The following EXT1 variants were observed in gnomAD, a reference collection of about 807,000 sequenced individuals.
The protein encoded by EXT1 is exostosin-1.
EXT1 carries 20 observed loss-of-function variants against 82.5 expected under a neutral mutation model. The observed-to-expected ratio is 0.24, with a 90% CI of 0.17 to 0.35. EXT1 has a LOEUF of 0.35. EXT1 is among the 10% of genes least tolerant of loss of function. The pLI is 1.00. For missense variants in EXT1, 757 were observed against 936.5 expected, an observed-to-expected ratio of 0.81 and a Z score of 2.50; for synonymous variants, 348 against 350.8, an observed-to-expected ratio of 0.99 and a Z score of 0.09.
chr8:117,874,910 A>C (rs1404986643), intron 1 of EXT1, among the ~76,000 whole-genome samples: 1 of 152,204 alleles, frequency 6.6e-6, no homozygotes, highest in Non-Finnish European at 1.5e-5. Flanking sequence ...AGCGGCTTTG[A>C]CAATAGTGTT....
At chr8:118,086,406 T>C (rs1001384087) in intron 1 of EXT1, among the ~76,000 whole-genome samples, 2 of 152,216 alleles carry the variant, frequency 1.3e-5, no homozygotes, top group African/African-American at 4.8e-5. Flanking sequence ...TTTCATATTA[T>C]GGCCTTCCAC....
chr8:117,872,472 A>G (rs1812890215), intron 1 of EXT1, among the ~76,000 whole-genome samples: 1 of 151,810 alleles, frequency 6.6e-6, no homozygotes, highest in Non-Finnish European at 1.5e-5. Flanking sequence ...GCTACAGATA[A>G]GAACTCAGAA....
intron 1 of EXT1, among the ~76,000 whole-genome samples, chr8:118,022,058 G>A (rs74746639): frequency 0.012 from 1,765 of 152,102 alleles, 41 homozygotes; most frequent in African/African-American, 0.04. Context: ...TGGTCAATGC[G>A]TAGAGAGAGA....
At chr8:117,962,103 T>A (rs957402698) in intron 1 of EXT1, among the ~76,000 whole-genome samples, 13 of 141,442 alleles carry the variant, frequency 9.2e-5, no homozygotes, top group African/African-American at 3.6e-4. Flanking sequence ...CTCAGTAGGC[T>A]CATTTGTCAG....
rs1447934870 is a variant in EXT1, at chr8:118,026,127, AGCAAGAGACACAAGAC to A, written c.962+83942_962+83957del. 2.6e-5 allele frequency among the ~76,000 whole-genome samples: 4 copies of A among 152,198 alleles called. No homozygotes were observed. The East Asian group carries it at 5.8e-4, about 22-fold the overall frequency. On this transcript the variant is annotated intron_variant, in intron 1 of 10. Transcript: ENST00000378204. ...AACACACAGATGTTTCCACCTGTACAGCAAGAGACACAAGACGCAATGGCAAGACCTACAATCTTCT... is the reference window on the plus strand; with the variant it reads ...AACACACAGATGTTTCCACCTGTACAGCAATGGCAAGACCTACAATCTTCT...
At chr8:118,071,476 T>C (rs1817092767) in intron 1 of EXT1, among the ~76,000 whole-genome samples, 1 of 149,500 alleles carries the variant, frequency 6.7e-6, no homozygotes, top group African/African-American at 2.5e-5. Context: ...TGTTTGTGTA[T>C]TCCAAAGAAA....
chr8:118,030,984 T>C (rs577000626), intron 1 of EXT1, among the ~76,000 whole-genome samples: 1 of 152,266 alleles, frequency 6.6e-6, no homozygotes, highest in Non-Finnish European at 1.5e-5. Flanking sequence ...TTCTGAAACA[T>C]GCATCTAAGA....
chr8:117,918,511 A>C (rs183108326), intron 1 of EXT1, among the ~76,000 whole-genome samples: 150 of 152,302 alleles, frequency 9.8e-4, no homozygotes, highest in African/African-American at 3.3e-3. Flanking sequence ...CCTCCTCTTG[A>C]ATCTAGGCTG....
intron 1 of EXT1, among the ~76,000 whole-genome samples, chr8:118,082,660 A>G (rs1173618889): frequency 1.3e-5 from 2 of 152,240 alleles, no homozygotes; most frequent in Non-Finnish European, 2.9e-5. Context: ...ATCAATTTCT[A>G]TACAACAAAT....
chr8:117,934,248 T>C (rs1400732670), intron 1 of EXT1, among the ~76,000 whole-genome samples: 1 of 149,454 alleles, frequency 6.7e-6, no homozygotes, highest in Non-Finnish European at 1.5e-5. Flanking sequence ...CAAAAAAAAG[T>C]ATTAAATGAA....
At chr8:118,016,444 C>T (rs1816005504) in intron 1 of EXT1, among the ~76,000 whole-genome samples, 2 of 152,184 alleles carry the variant, frequency 1.3e-5, no homozygotes, top group Non-Finnish European at 2.9e-5. Context: ...TACTTTGTTA[C>T]AGCAGCCTTG....
intron 1 of EXT1, among the ~76,000 whole-genome samples, chr8:118,033,735 C>T (rs560863364): frequency 3.3e-5 from 5 of 152,152 alleles, no homozygotes; most frequent in African/African-American, 1.2e-4. Flanking sequence ...CTGCTTCGGC[C>T]TCTGAAAGTG....
At chr8:117,975,610 C>T (rs1009023366) in intron 1 of EXT1, among the ~76,000 whole-genome samples, 2 of 152,148 alleles carry the variant, frequency 1.3e-5, no homozygotes, top group Non-Finnish European at 1.5e-5. Flanking sequence ...CCCCCCACTC[C>T]CTTCCTCCCC....
chr8:117,820,713 C>A (rs1298922062), intron 5 of EXT1, among the ~76,000 whole-genome samples: 1 of 151,242 alleles, frequency 6.6e-6, no homozygotes, highest in Admixed American at 6.6e-5. Context: ...AAAAAAAAAA[C>A]TTAATGCATA....
chr8:117,861,347 A>C (rs973856973), intron 1 of EXT1, among the ~76,000 whole-genome samples: 1 of 152,244 alleles, frequency 6.6e-6, no homozygotes, highest in Non-Finnish European at 1.5e-5. Flanking sequence ...TTATTTTAAA[A>C]TAATTATGTT....
chr8:117,901,894 C>T lies in EXT1; in HGVS notation c.963-64693G>A, dbSNP rs754231151. 2.5e-4 allele frequency among the ~76,000 whole-genome samples: 38 copies of T among 152,050 alleles called. 1 individual carries two copies. Among genetic ancestry groups the T allele is most frequent in the Admixed American group, 1.7e-3 (26 of 15,256 alleles). On this transcript the variant is annotated intron_variant, in intron 1 of 10. Transcript: ENST00000378204. Reference sequence around the variant, plus strand: ...TGCATTTTTGATACAGATTAGGTTTCGCCATGTTATTCAGGCTGGTCTCAA... The same window carrying T: ...TGCATTTTTGATACAGATTAGGTTTTGCCATGTTATTCAGGCTGGTCTCAA...
At chr8:118,002,250 A>C (rs1005861451) in intron 1 of EXT1, among the ~76,000 whole-genome samples, 21 of 152,024 alleles carry the variant, frequency 1.4e-4, no homozygotes, top group South Asian at 8.3e-4. Flanking sequence ...TACACTAAGA[A>C]GATTTAAGTT....
intron 1 of EXT1, among the ~76,000 whole-genome samples, chr8:117,941,132 C>T (rs975061863): frequency 2.6e-5 from 4 of 152,166 alleles, no homozygotes; most frequent in African/African-American, 7.2e-5. Context: ...TGAGAAACCC[C>T]GTCTCGGGAC....
intron 1 of EXT1, among the ~76,000 whole-genome samples, chr8:117,912,289 CA>C (rs1291578094): frequency 3.3e-5 from 5 of 152,194 alleles, no homozygotes; most frequent in African/African-American, 1.2e-4. Flanking sequence ...ATTGCCTCAA[CA>C]ATTTTCAAGC....
Sources: gnomAD v4.1 joint callset for allele counts (sites outside exome capture counted in the v4.1 genomes callset) on GRCh38, gnomAD v4.1.1 for gene constraint, MANE v1.5 for transcripts, NCBI Gene and HGNC (gene_info 2026-07-23, HGNC 2026-07-21) for gene names.